The following DENND1A variants were observed in gnomAD, a reference collection of about 807,000 sequenced individuals.
DENND1A encodes DENN domain containing 1A, also known as DENN domain-containing protein 1A.
A neutral mutation model predicts 113.7 loss-of-function variants in DENND1A; 51 were observed. That is an observed-to-expected ratio of 0.45 (90% CI 0.36 to 0.57). DENND1A has a LOEUF of 0.57. Among genes scored for constraint, DENND1A ranks in the 20% least tolerant of loss-of-function variants. The probability of loss-of-function intolerance (pLI) is 0.00; values close to 1 mark genes in which losing one functional copy is unlikely to be tolerated. For synonymous variants in DENND1A, 565 were observed against 570.8 expected (o/e 0.99, Z 0.14); for missense variants, 1,258 against 1,395.9 (o/e 0.90, Z 1.57).
At chr9:123,576,991 G>A (rs550266893) in intron 12 of DENND1A, among the ~76,000 whole-genome samples, 1 of 151,740 alleles carries the variant, frequency 6.6e-6, no homozygotes, top group Admixed American at 6.6e-5. Context: ...CAGGTTTATT[G>A]AGCTTCTTGG....
At chr9:123,442,255 T>C (rs746154683) in intron 18 of DENND1A, among the ~76,000 whole-genome samples, 6 of 152,054 alleles carry the variant, frequency 3.9e-5, no homozygotes, top group African/African-American at 7.2e-5. Context: ...CAAAGGGAGA[T>C]GATGACCTCC....
intron 12 of DENND1A, among the ~76,000 whole-genome samples, chr9:123,562,211 C>T (rs1249328367): frequency 1.3e-5 from 2 of 152,186 alleles, no homozygotes; most frequent in African/African-American, 4.8e-5. Flanking sequence ...CCATCAGCCT[C>T]ACTTCCACCT....
At chr9:123,774,806 T>C (rs7049127) in intron 3 of DENND1A, among the ~76,000 whole-genome samples, 2,110 of 152,252 alleles carry the variant, frequency 0.014, 59 homozygotes, top group African/African-American at 0.049. Context: ...ATGTTGTAAT[T>C]CAAAGATAAA....
At chr9:123,771,949 A>G (rs1335528436) in intron 3 of DENND1A, among the ~76,000 whole-genome samples, 1 of 152,166 alleles carries the variant, frequency 6.6e-6, no homozygotes, top group East Asian at 1.9e-4. Flanking sequence ...TGTTTGTGAT[A>G]TTACAAGAGC....
chr9:123,733,710 G>A (rs2130919195), intron 5 of DENND1A, among the ~76,000 whole-genome samples: 1 of 150,152 alleles, frequency 6.7e-6, no homozygotes, highest in East Asian at 1.9e-4. Context: ...CTGTTGCCCA[G>A]GCTGGAGTGC....
chr9:123,871,633 G>A (rs183482259), intron 2 of DENND1A, among the ~76,000 whole-genome samples: 13 of 151,956 alleles, frequency 8.6e-5, no homozygotes, highest in African/African-American at 3.1e-4. Context: ...TTTTTTTTAT[G>A]TTGCTGCTTA....
At chr9:123,510,805 A>C (rs1588910622) in intron 13 of DENND1A, among the ~76,000 whole-genome samples, 1 of 152,244 alleles carries the variant, frequency 6.6e-6, no homozygotes, top group Admixed American at 6.5e-5. Context: ...TTACACTAAA[A>C]TAAGAAAACA....
rs1564390056 is a variant in DENND1A, at chr9:123,381,624, G to T, written c.3021C>A (p.Asp1007Glu). 4 of 1,612,262 alleles carry T rather than the reference G, an allele frequency of 2.5e-6. No individual in the cohort carries two copies. The highest frequency in any genetic ancestry group is 2.2e-5 in the East Asian group (1 of 44,852). ...GGGGCCTGGGAGGCAGAAGCGGGGG[G>T]TCTCCAGGCCTCAGGGCCAGCCCCT... ...TKQGLALRPG[D>E]PPLLPPRPPQ... Residue 1007 changes from aspartate (D) to glutamate (E), a missense_variant, in exon 24 of 24, where the codon GAC becomes GAA. This residue lies in a region of DENND1A where 1,159 missense variants were observed against 1,231.7 expected (regional missense o/e 0.94). Coordinates refer to ENST00000394215, the MANE Select transcript of DENND1A (RefSeq NM_001352964.2). The surrounding 1 kb of genome is among the most constrained non-coding windows in gnomAD (Gnocchi z 4.7).
chr9:123,746,197 G>T (rs1408969960), intron 5 of DENND1A, among the ~76,000 whole-genome samples: 2 of 152,108 alleles, frequency 1.3e-5, no homozygotes, highest in African/African-American at 4.8e-5. Context: ...GAAAAACACA[G>T]GGTTGTGATC....
intron 2 of DENND1A, among the ~76,000 whole-genome samples, chr9:123,865,995 G>A (rs12004459): frequency 6.6e-6 from 1 of 152,102 alleles, no homozygotes; most frequent in African/African-American, 2.4e-5. Flanking sequence ...CTTCCTGGAC[G>A]GCCATGATGA....
intron 13 of DENND1A, among the ~76,000 whole-genome samples, chr9:123,529,261 T>C (rs1374175579): frequency 6.6e-6 from 1 of 152,146 alleles, no homozygotes; most frequent in Non-Finnish European, 1.5e-5. Context: ...AATAGATACA[T>C]TAAAAACAAA....
At chr9:123,629,231 G>A (rs1487644843) in intron 10 of DENND1A, among the ~76,000 whole-genome samples, 1 of 152,198 alleles carries the variant, frequency 6.6e-6, no homozygotes, top group East Asian at 1.9e-4. Flanking sequence ...TTAAGCAACA[G>A]GGCTATGACC....
chr9:123,432,121 G>A (rs887950084), intron 19 of DENND1A, among the ~76,000 whole-genome samples: 2 of 152,294 alleles, frequency 1.3e-5, no homozygotes, highest in Non-Finnish European at 2.9e-5. Flanking sequence ...AATACCACCC[G>A]AGGAGGACAC....
intron 9 of DENND1A, among the ~76,000 whole-genome samples, chr9:123,651,256 C>T (rs1318541554): frequency 6.6e-6 from 1 of 151,906 alleles, no homozygotes; most frequent in African/African-American, 2.4e-5. Flanking sequence ...TAACAAAATA[C>T]AAATAAAAAA....
chr9:123,444,410 T>C (rs1249244745), intron 18 of DENND1A, among the ~76,000 whole-genome samples: 2 of 152,190 alleles, frequency 1.3e-5, no homozygotes, highest in East Asian at 3.8e-4. Flanking sequence ...TCCTAGCACT[T>C]TGGGAGGCCA....
At chr9:123,570,802 G>A (rs917511290) in intron 12 of DENND1A, among the ~76,000 whole-genome samples, 2 of 152,154 alleles carry the variant, frequency 1.3e-5, no homozygotes, top group African/African-American at 4.8e-5. Flanking sequence ...GACTCACAGG[G>A]AAAGATCACA....
At chr9:123,567,539 T>C (rs2058122398) in intron 12 of DENND1A, among the ~76,000 whole-genome samples, 1 of 152,230 alleles carries the variant, frequency 6.6e-6, no homozygotes, top group Non-Finnish European at 1.5e-5. Context: ...ATGCCTTTTC[T>C]AATGGAAAGT....
chr9:123,615,849 ACAC>A (rs2060626491), intron 10 of DENND1A, among the ~76,000 whole-genome samples: 1 of 152,230 alleles, frequency 6.6e-6, no homozygotes, highest in Admixed American at 6.5e-5. Flanking sequence ...TACTGAGCAC[ACAC>A]CACATTTCAA....
chr9:123,660,529 A>G (rs1245951942), intron 8 of DENND1A, among the ~76,000 whole-genome samples: 1 of 152,084 alleles, frequency 6.6e-6, no homozygotes, highest in Non-Finnish European at 1.5e-5. Context: ...AGTACCTTAA[A>G]ATGAAGTTCT....
Sources: allele counts gnomAD v4.1 joint callset (sites outside exome capture counted in the v4.1 genomes callset), GRCh38; gene constraint gnomAD v4.1.1; regional missense constraint gnomAD v4.1.1; non-coding constraint Gnocchi (gnomAD v3.1); transcripts MANE v1.5; gene names NCBI Gene and HGNC (gene_info 2026-07-23, HGNC 2026-07-21).